The following GALNT14 variants were observed in gnomAD, a reference collection of about 807,000 sequenced individuals.
GALNT14 encodes the protein polypeptide N-acetylgalactosaminyltransferase 14.
GALNT14 carries 60 observed loss-of-function variants against 77.5 expected under a neutral mutation model. The observed-to-expected ratio is 0.77, with a 90% CI of 0.63 to 0.96. The LOEUF is 0.96. Ranked by LOEUF, GALNT14 falls within the 40% of genes least tolerant of loss-of-function variation. The pLI is 0.00. For missense variants in GALNT14, 710 were observed against 731.0 expected (o/e 0.97, Z 0.33); for synonymous variants, 280 against 281.7 (o/e 0.99, Z 0.06).
the GALNT14 span, among the ~76,000 whole-genome samples, chr2:30,891,004 T>A: frequency 6.6e-6 from 1 of 152,134 alleles, no homozygotes; most frequent in Non-Finnish European, 1.5e-5. Flanking sequence ...GGGAGGATCA[T>A]AGTTGAGGGA....
At chr2:31,120,110 C>T (rs1208305588) in intron 1 of GALNT14, among the ~76,000 whole-genome samples, 2 of 130,298 alleles carry the variant, frequency 1.5e-5, no homozygotes, top group African/African-American at 5.8e-5. Flanking sequence ...GAGCCGAGAT[C>T]GCGCCACTGC....
At chr2:30,935,872 G>A (rs1666025280) in intron 9 of GALNT14, among the ~76,000 whole-genome samples, 1 of 152,122 alleles carries the variant, frequency 6.6e-6, no homozygotes, top group African/African-American at 2.4e-5. Flanking sequence ...GTGAGGTGGT[G>A]GACCTTCCAG....
rs139503726 is a variant in GALNT14 at position 30,926,161 on chromosome 2, A to C, written c.1152-1338T>G. ...GCTCCATCAGGATGGGAAGGATGTCAGGTTTCTAAAATGCTGAATATTGGG... is the reference window on the plus strand; with the variant it reads ...GCTCCATCAGGATGGGAAGGATGTCCGGTTTCTAAAATGCTGAATATTGGG... On this transcript the variant is annotated intron_variant, in intron 11 of 14. Coordinates refer to ENST00000349752, the MANE Select transcript of GALNT14 (RefSeq NM_024572.4). 1.5e-3 allele frequency among the ~76,000 whole-genome samples: 227 copies of C among 152,340 alleles called. No homozygotes were observed. The Middle Eastern group carries it at 0.02, about 14-fold the overall frequency.
chr2:30,946,116 C>T (rs1187168867), intron 6 of GALNT14, among the ~76,000 whole-genome samples: 1 of 152,124 alleles, frequency 6.6e-6, no homozygotes, highest in Non-Finnish European at 1.5e-5. Context: ...GCCGCAGTGG[C>T]CATCTAAGAA....
At position 30,979,700 on chromosome 2, in the gene GALNT14, A is replaced by G. The variant is rs187892204; in HGVS notation, c.299+13138T>C. On this transcript the variant is annotated intron_variant, in intron 2 of 14. Transcript: ENST00000349752. ...TGGGACCCTCACTGCTCAGTGATCC[A>G]CAGAGTCCCCAGCGGATTCCTGCTT... Among the ~76,000 whole-genome samples, 122 of 152,260 alleles carry G rather than the reference A, an allele frequency of 8.0e-4. 1 individual carries two copies. The South Asian group carries it at 0.013, about 17-fold the overall frequency.
At chr2:31,067,787 C>A (rs1675076734) in intron 1 of GALNT14, among the ~76,000 whole-genome samples, 1 of 152,188 alleles carries the variant, frequency 6.6e-6, no homozygotes, top group South Asian at 2.1e-4. Context: ...GCATGTCTCA[C>A]CCCATTTTCC....
At chr2:30,957,448 T>C (rs1025334844) in intron 4 of GALNT14, among the ~76,000 whole-genome samples, 2 of 152,114 alleles carry the variant, frequency 1.3e-5, no homozygotes, top group Non-Finnish European at 2.9e-5. Flanking sequence ...CTTGCTTCAG[T>C]GCCAGGCTAC....
intron 2 of GALNT14, among the ~76,000 whole-genome samples, chr2:30,969,702 C>T (rs924662698): frequency 3.3e-5 from 5 of 152,106 alleles, no homozygotes; most frequent in South Asian, 2.1e-4. Context: ...CTACAGACCA[C>T]GTGAGGCAGT....
chr2:30,987,693 A>T (rs1669387101), intron 2 of GALNT14, among the ~76,000 whole-genome samples: 1 of 148,686 alleles, frequency 6.7e-6, no homozygotes, highest in Non-Finnish European at 1.5e-5. Context: ...TGAAACTTCT[A>T]CAGCCTTCCT....
intron 1 of GALNT14, among the ~76,000 whole-genome samples, chr2:31,076,635 T>A (rs924731635): frequency 2.9e-4 from 43 of 148,048 alleles, no homozygotes; most frequent in African/African-American, 1.0e-3. Context: ...ATATATTTTT[T>A]TTTTTTTTAC....
intron 1 of GALNT14, among the ~76,000 whole-genome samples, chr2:31,130,734 C>CTGTGTGTGTG (rs4020220): frequency 0.019 from 2,178 of 117,392 alleles, 24 homozygotes; most frequent in African/African-American, 0.024. Flanking sequence ...CAGGGTACCT[C>CTGTGTGTGTG]TGTGTGTGTG....
the GALNT14 span, among the ~76,000 whole-genome samples, chr2:30,893,715 G>A: frequency 4.0e-5 from 6 of 151,878 alleles, no homozygotes; most frequent in Admixed American, 6.6e-5. Context: ...AAAGGGAGTC[G>A]TTGCGGAGTA....
At chr2:30,958,212 T>C (rs549237314) in intron 4 of GALNT14, among the ~76,000 whole-genome samples, 185 bp downstream of exon 4, 27 of 152,104 alleles carry the variant, frequency 1.8e-4, no homozygotes, top group African/African-American at 6.3e-4. Context: ...ACCCGAGAAA[T>C]TGTTTTTTGG....
intron 6 of GALNT14, among the ~76,000 whole-genome samples, chr2:30,946,772 T>C (rs1666722230): frequency 1.3e-5 from 2 of 152,176 alleles, no homozygotes; most frequent in South Asian, 4.1e-4. Flanking sequence ...GGTTCATGGA[T>C]AAGTTGATGA....
At chr2:31,128,837 G>A (rs1484486339) in intron 1 of GALNT14, among the ~76,000 whole-genome samples, 1 of 152,144 alleles carries the variant, frequency 6.6e-6, no homozygotes, top group Non-Finnish European at 1.5e-5. Context: ...GCCCAAGCAT[G>A]GGTTAAACTT....
chr2:31,012,346 C>T (rs1671084695), intron 1 of GALNT14, among the ~76,000 whole-genome samples: 1 of 152,198 alleles, frequency 6.6e-6, no homozygotes, highest in Non-Finnish European at 1.5e-5. Flanking sequence ...AATCTGGTCC[C>T]TGCAACCTAA....
chr2:30,948,583 T>G (rs984983336), intron 6 of GALNT14, among the ~76,000 whole-genome samples: 2 of 152,238 alleles, frequency 1.3e-5, no homozygotes, highest in Non-Finnish European at 2.9e-5. Context: ...CTCTGTGATG[T>G]TGCCTCACAA....
the GALNT14 span, among the ~76,000 whole-genome samples, chr2:30,898,283 A>C: frequency 6.6e-6 from 1 of 152,098 alleles, no homozygotes; most frequent in Non-Finnish European, 1.5e-5. Flanking sequence ...CTTTGTTAAA[A>C]CCACCCAGGG....
In GALNT14 at chr2:30,944,853, C is replaced by A; in HGVS notation, c.827+5G>T. ...CCCACCCCTGCACAGACTCTTCCCA[C>A]TTACCTGATGGGCTCCGTGGGGTCC... is the stretch of plus-strand genomic sequence containing the variant. On this transcript the variant is annotated splice_donor_5th_base_variant and intron_variant, in intron 8 of 14. Coordinates refer to ENST00000349752, the MANE Select transcript of GALNT14 (RefSeq NM_024572.4). 1 of 1,600,604 alleles carries A rather than the reference C, an allele frequency of 6.2e-7. No individual in the cohort carries two copies. Among genetic ancestry groups the A allele is most frequent in the Non-Finnish European group, 8.5e-7 (1 of 1,171,350 alleles).
Sources: allele counts gnomAD v4.1 joint callset (sites outside exome capture counted in the v4.1 genomes callset), GRCh38; gene constraint gnomAD v4.1.1; transcripts MANE v1.5; gene names NCBI Gene and HGNC (gene_info 2026-07-23, HGNC 2026-07-21).